The following EPC2 variants were observed in gnomAD, a reference collection of about 807,000 sequenced individuals.
The protein encoded by EPC2 is enhancer of polycomb 2.
A neutral mutation model predicts 92.1 loss-of-function variants in EPC2; 14 were observed. That is an observed-to-expected ratio of 0.15 (90% CI 0.10 to 0.24). The LOEUF is 0.24. Among genes scored for constraint, EPC2 ranks in the 10% least tolerant of loss-of-function variants. The probability of loss-of-function intolerance (pLI) is 1.00; values close to 1 mark genes in which losing one functional copy is unlikely to be tolerated. For synonymous variants in EPC2, 340 were observed against 334.7 expected, an observed-to-expected ratio of 1.02 and a Z score of -0.17; for missense variants, 755 against 971.5, an observed-to-expected ratio of 0.78 and a Z score of 2.96.
intron 2 of EPC2, among the ~76,000 whole-genome samples, chr2:148,704,598 C>A (rs1389634453): frequency 6.6e-6 from 1 of 152,210 alleles, no homozygotes; most frequent in South Asian, 2.1e-4. Flanking sequence ...AATCCCTGTT[C>A]TTGATGAGTC....
intron 2 of EPC2, among the ~76,000 whole-genome samples, chr2:148,736,837 T>C (rs1293279958): frequency 6.6e-6 from 1 of 152,068 alleles, no homozygotes; most frequent in Non-Finnish European, 1.5e-5. Flanking sequence ...CGATGGCTCA[T>C]GCCTGTAGTT....
chr2:148,649,909 A>G (rs1680638589), intron 1 of EPC2, among the ~76,000 whole-genome samples: 1 of 152,076 alleles, frequency 6.6e-6, no homozygotes, highest in African/African-American at 2.4e-5. Context: ...TAGTTTTTTC[A>G]TTACTTAATT....
intron 1 of EPC2, among the ~76,000 whole-genome samples, chr2:148,666,441 G>C (rs1681057048): frequency 6.6e-6 from 1 of 152,182 alleles, no homozygotes; most frequent in Non-Finnish European, 1.5e-5. Context: ...ACTGCACCAG[G>C]CCAGAGGACC....
intron 2 of EPC2, among the ~76,000 whole-genome samples, chr2:148,700,045 C>T (rs1256660380): frequency 6.6e-6 from 1 of 152,044 alleles, no homozygotes; most frequent in Non-Finnish European, 1.5e-5. Flanking sequence ...GGTGTCTGTT[C>T]AGATCTTTTG....
intron 2 of EPC2, among the ~76,000 whole-genome samples, chr2:148,703,257 C>T (rs1375134496): frequency 6.6e-6 from 1 of 152,082 alleles, no homozygotes; most frequent in Non-Finnish European, 1.5e-5. Context: ...CAGAGGAAAG[C>T]TTCTGTCCTA....
At chr2:148,687,744 C>T (rs912978454) in intron 1 of EPC2, among the ~76,000 whole-genome samples, 13 of 152,200 alleles carry the variant, frequency 8.5e-5, no homozygotes, top group Non-Finnish European at 1.8e-4. Flanking sequence ...TTGTCTATGG[C>T]ATAGAAGCTT....
chr2:148,765,627 G>A (rs1047560050), intron 7 of EPC2, among the ~76,000 whole-genome samples: 14 of 152,094 alleles, frequency 9.2e-5, no homozygotes, highest in African/African-American at 3.4e-4. Flanking sequence ...AGACTTAAAG[G>A]AACTGATTCA....
intron 1 of EPC2, among the ~76,000 whole-genome samples, chr2:148,667,513 G>GTT: frequency 6.6e-6 from 1 of 151,412 alleles, no homozygotes; most frequent in African/African-American, 2.4e-5. Flanking sequence ...TATTCTAGTA[G>GTT]TTTTTTTTTG....
At chr2:148,665,173 T>C (rs1681033028) in intron 1 of EPC2, among the ~76,000 whole-genome samples, 1 of 152,198 alleles carries the variant, frequency 6.6e-6, no homozygotes, top group South Asian at 2.1e-4. Flanking sequence ...TTTCACAACT[T>C]TGGATCTAAT....
chr2:148,679,079 T>C (rs2105365348), intron 1 of EPC2, among the ~76,000 whole-genome samples: 1 of 152,318 alleles, frequency 6.6e-6, no homozygotes, highest in East Asian at 1.9e-4. Flanking sequence ...TCCTCATATA[T>C]TAAAGATGTA....
intron 10 of EPC2, among the ~76,000 whole-genome samples, chr2:148,774,229 C>T (rs1683579479): frequency 6.6e-6 from 1 of 152,132 alleles, no homozygotes; most frequent in Non-Finnish European, 1.5e-5. Context: ...AAAAAGAGGG[C>T]TGCATCTTAT....
intron 7 of EPC2, 124 bp from the exon 8 acceptor site, chr2:148,769,027 A>C: frequency 1.5e-6 from 1 of 665,710 alleles, no homozygotes; most frequent in Non-Finnish European, 2.6e-6. Flanking sequence ...TGGGGAATTC[A>C]GTACTTATGA....
At chr2:148,715,120 G>A (rs1326378190) in intron 2 of EPC2, among the ~76,000 whole-genome samples, 1 of 135,246 alleles carries the variant, frequency 7.4e-6, no homozygotes, top group Non-Finnish European at 1.5e-5. Context: ...TGCAAGCTCC[G>A]CCTCCCAGGT....
Position 148,753,990 on chromosome 2 carries a change from T to C in EPC2, c.523T>C (p.Tyr175His). The C allele has an allele frequency of 6.2e-7, 1 of 1,612,346 alleles. No homozygotes were observed. The highest frequency in any genetic ancestry group is 1.1e-5 in the South Asian group (1 of 90,614). The part of the protein sequence containing the change: ...NEDDYLIKAV[Y>H]DYWVRKRKNC... ...AGATGATTACCTTATTAAAGCTGTA[T>C]ATGACTACTGGGTGAGAAAACGTAA... Residue 175 changes from tyrosine to histidine, a missense_variant, in exon 4 of 14, where the codon TAT (tyrosine) becomes CAT (histidine). Physicochemically the swap from Tyr to His is moderately conservative, Grantham distance 83. Around this residue, in one of 4 missense-constraint regions of EPC2, gnomAD observed 509 missense variants for 607.7 expected, o/e 0.84. Coordinates refer to ENST00000258484, the MANE Select transcript of EPC2 (RefSeq NM_015630.4).
At chr2:148,661,282 A>G (rs896293749) in intron 1 of EPC2, among the ~76,000 whole-genome samples, 2 of 152,122 alleles carry the variant, frequency 1.3e-5, no homozygotes, top group African/African-American at 4.8e-5. Context: ...GCTTATGCCT[A>G]GGAATCTCAT....
chr2:148,710,064 T>A (rs1682103668), intron 2 of EPC2, among the ~76,000 whole-genome samples: 1 of 152,102 alleles, frequency 6.6e-6, no homozygotes, highest in Non-Finnish European at 1.5e-5. Context: ...ACAGGCAACC[T>A]ACAGAATGGG....
At chr2:148,677,571 G>A (rs1371388474) in intron 1 of EPC2, among the ~76,000 whole-genome samples, 1 of 152,070 alleles carries the variant, frequency 6.6e-6, no homozygotes, top group East Asian at 1.9e-4. Flanking sequence ...AGCTACTTGA[G>A]AGGCTAAGGC....
At chr2:148,744,989 G>GT (rs1682952853) in intron 3 of EPC2, among the ~76,000 whole-genome samples, 1 of 46,296 alleles carries the variant, frequency 2.2e-5, no homozygotes, top group African/African-American at 6.2e-5. Flanking sequence ...CTATCAGTTT[G>GT]CCCCCCCCCC....
At chr2:148,776,779 G>A (rs1222908452) in intron 10 of EPC2, among the ~76,000 whole-genome samples, 1 of 151,860 alleles carries the variant, frequency 6.6e-6, no homozygotes, top group Non-Finnish European at 1.5e-5. Flanking sequence ...CACTTCGTGA[G>A]GACAAAGTGG....
Sources: allele counts gnomAD v4.1 joint callset (sites outside exome capture counted in the v4.1 genomes callset), GRCh38; gene constraint gnomAD v4.1.1; regional missense constraint gnomAD v4.1.1; transcripts MANE v1.5; gene names NCBI Gene and HGNC (gene_info 2026-07-23, HGNC 2026-07-21).